The following RAMP1 variants were observed in gnomAD, a reference collection of about 807,000 sequenced individuals.
RAMP1 encodes receptor activity modifying protein 1.
Under a neutral mutation model 8.2 loss-of-function variants are expected in RAMP1, and 7 were observed. The ratio of observed to expected loss-of-function variants is 0.85; its 90% CI spans 0.49 to 1.60. The LOEUF (loss-of-function observed/expected upper bound fraction) is 1.60. Among genes scored for constraint, RAMP1 ranks in the 40% most tolerant of loss-of-function variants. The probability of loss-of-function intolerance (pLI) is 0.00; values close to 1 mark genes in which losing one functional copy is unlikely to be tolerated. For synonymous variants in RAMP1, 92 were observed against 84.7 expected, an observed-to-expected ratio of 1.09 and a Z score of -0.47; for missense variants, 192 against 202.4, an observed-to-expected ratio of 0.95 and a Z score of 0.31.
chr2:237,866,120 C>G (rs577592376), intron 1 of RAMP1, among the ~76,000 whole-genome samples: 1 of 152,084 alleles, frequency 6.6e-6, no homozygotes, highest in Non-Finnish European at 1.5e-5. Flanking sequence ...ACCACCGGCT[C>G]GAGAAACAGC....
At position 237,877,497 on chromosome 2, in the gene RAMP1, GC is replaced by G; in HGVS notation, c.191+137del. 1.4e-5 allele frequency: 17 copies of G among 1,231,134 alleles called. No homozygotes were observed. The highest frequency in any genetic ancestry group is 1.9e-5 in the Non-Finnish European group (17 of 908,014). 76.3% of individuals were successfully genotyped at this position (1,231,134 alleles called of 1,614,324 possible). A position where few individuals can be genotyped will look rare whatever the true frequency, so the allele number is the denominator to read the frequency against. On this transcript the variant is annotated intron_variant, in intron 2 of 2. Coordinates refer to ENST00000254661, the MANE Select transcript of RAMP1 (RefSeq NM_005855.4). This position sits in a 1 kb window ranked among gnomAD's most constrained non-coding sequence, Gnocchi z 4.4. Reference sequence around the variant, plus strand: ...AAGGGTTCTTCCCCCAGTGGGGGGGGCCGGGATGAAGACAGAGGAGGGAGCC... The same window carrying G: ...AAGGGTTCTTCCCCCAGTGGGGGGGGCGGGATGAAGACAGAGGAGGGAGCC...
intron 2 of RAMP1, among the ~76,000 whole-genome samples, chr2:237,900,029 G>A (rs1329447714): frequency 2.6e-5 from 4 of 152,226 alleles, no homozygotes; most frequent in South Asian, 2.1e-4. Context: ...TTTTTAAGTC[G>A]ATATTTGATA....
chr2:237,883,015 A>G (rs2062387238), intron 2 of RAMP1, among the ~76,000 whole-genome samples: 1 of 152,258 alleles, frequency 6.6e-6, no homozygotes, highest in East Asian at 1.9e-4. Context: ...GCTCTGGGAA[A>G]GGCCCGTCTC....
rs773649251 is a variant in RAMP1, at chr2:237,877,180, C to G, written c.53-44C>G. ...CGGGCTGGCGGTGATACCCCTAGGC[C>G]TCTGCTGCCGCCCGCCATCTCTTCA... On this transcript the variant is annotated intron_variant, in intron 1 of 2. Transcript: ENST00000254661. The surrounding 1 kb of genome is among the most constrained non-coding windows in gnomAD (Gnocchi z 4.4). The G allele has an allele frequency of 1.2e-6, 2 of 1,611,776 alleles. No individual in the cohort carries two copies. Among genetic ancestry groups the G allele is most frequent in the East Asian group, 4.5e-5 (2 of 44,876 alleles).
intron 2 of RAMP1, among the ~76,000 whole-genome samples, chr2:237,885,471 A>C (rs2062418625): frequency 1.3e-5 from 2 of 152,162 alleles, no homozygotes; most frequent in Admixed American, 1.3e-4. Context: ...TCCGCCCTGG[A>C]ACTTGCCACA....
intron 2 of RAMP1, among the ~76,000 whole-genome samples, chr2:237,885,530 G>T (rs1460747627): frequency 6.6e-6 from 1 of 152,260 alleles, no homozygotes; most frequent in Admixed American, 6.5e-5. Context: ...TGGCTGTGGT[G>T]CTGTCATCCC....
chr2:237,886,222 G>A (rs1026511521), intron 2 of RAMP1, among the ~76,000 whole-genome samples: 2 of 152,190 alleles, frequency 1.3e-5, no homozygotes, highest in African/African-American at 2.4e-5. Context: ...CCCCACGGGG[G>A]TGTCGTTCCA....
At chr2:237,886,393 G>C (rs2062433489) in intron 2 of RAMP1, among the ~76,000 whole-genome samples, 1 of 152,186 alleles carries the variant, frequency 6.6e-6, no homozygotes, top group East Asian at 1.9e-4. Context: ...GCGCGCCATG[G>C]TGGGTTCTGA....
intron 2 of RAMP1, among the ~76,000 whole-genome samples, chr2:237,909,259 G>A (rs547634256): frequency 6.6e-6 from 1 of 152,314 alleles, no homozygotes; most frequent in East Asian, 1.9e-4. Context: ...CCTCTCACCT[G>A]GCAGCCCTCC....
At chr2:237,899,682 C>T (rs963728595) in intron 2 of RAMP1, among the ~76,000 whole-genome samples, 3 of 152,232 alleles carry the variant, frequency 2.0e-5, no homozygotes, top group African/African-American at 4.8e-5. Context: ...CGTCCGTGTG[C>T]GCATGCGTTG....
chr2:237,868,584 AAAAAAC>A (rs1559935962), intron 1 of RAMP1, among the ~76,000 whole-genome samples: 1 of 115,692 alleles, frequency 8.6e-6, no homozygotes, highest in African/African-American at 5.4e-5. Flanking sequence ...CACCAAAAAA[AAAAAAC>A]AAAAAAAAAA....
At chr2:237,892,931 T>C (rs1157102863) in intron 2 of RAMP1, among the ~76,000 whole-genome samples, 1 of 152,276 alleles carries the variant, frequency 6.6e-6, no homozygotes, top group Admixed American at 6.5e-5. Flanking sequence ...ACCCTTGCTC[T>C]GATAGGGCTC....
intron 2 of RAMP1, among the ~76,000 whole-genome samples, chr2:237,889,687 A>C (rs1202690877): frequency 1.3e-5 from 2 of 152,202 alleles, no homozygotes; most frequent in Admixed American, 6.5e-5. Flanking sequence ...ATGTTGCTAA[A>C]TTCCATAAAA....
chr2:237,878,912 C>G lies in RAMP1; in HGVS notation c.191+1550C>G, dbSNP rs2062337428. On this transcript the variant is annotated intron_variant, in intron 2 of 2. Coordinates refer to ENST00000254661, the MANE Select transcript of RAMP1 (RefSeq NM_005855.4). This position sits in a 1 kb window ranked among gnomAD's most constrained non-coding sequence, Gnocchi z 5.7. ...AGTCACGGCTCCAGCCTCAAAGGCC[C>G]CTGATAAGACACAGTGAACCAGGGA... is the stretch of plus-strand genomic sequence containing the variant. Among the ~76,000 whole-genome samples the G allele has an allele frequency of 6.6e-6, 1 of 152,204 alleles. No homozygotes were observed. Among genetic ancestry groups the G allele is most frequent in the Non-Finnish European group, 1.5e-5 (1 of 68,032 alleles).
intron 1 of RAMP1, among the ~76,000 whole-genome samples, chr2:237,860,549 T>G (rs2062122638): frequency 6.6e-6 from 1 of 152,204 alleles, no homozygotes; most frequent in Admixed American, 6.5e-5. Context: ...AAATGCTAAC[T>G]CAAGCCCCTT....
chr2:237,876,306 T>C (rs1367482375), intron 1 of RAMP1, among the ~76,000 whole-genome samples: 1 of 152,162 alleles, frequency 6.6e-6, no homozygotes, highest in Non-Finnish European at 1.5e-5. Context: ...ATGTCCTCAC[T>C]CATGAGGCCC....
intron 2 of RAMP1, among the ~76,000 whole-genome samples, chr2:237,910,235 AAC>A (rs768122921): frequency 2.0e-5 from 3 of 151,396 alleles, no homozygotes; most frequent in Non-Finnish European, 4.4e-5. Flanking sequence ...CACACAGAAT[AAC>A]AGTTACACCC....
intron 2 of RAMP1, among the ~76,000 whole-genome samples, chr2:237,886,387 G>A (rs1273414888): frequency 2.0e-5 from 3 of 152,154 alleles, no homozygotes; most frequent in South Asian, 4.1e-4. Flanking sequence ...TAACGTGCGC[G>A]CCATGGTGGG....
intron 2 of RAMP1, among the ~76,000 whole-genome samples, chr2:237,900,947 G>A (rs1006659830): frequency 6.6e-6 from 1 of 152,146 alleles, no homozygotes; most frequent in Non-Finnish European, 1.5e-5. Context: ...TCACTGCATC[G>A]GTTTATTAAC....
Sources: gnomAD v4.1 joint callset for allele counts (sites outside exome capture counted in the v4.1 genomes callset) on GRCh38, gnomAD v4.1.1 for gene constraint, Gnocchi (gnomAD v3.1) non-coding constraint, MANE v1.5 for transcripts, NCBI Gene and HGNC (gene_info 2026-07-23, HGNC 2026-07-21) for gene names.